Variants in UBQLN4 observed in about 807,000 individuals in gnomAD.
The protein encoded by UBQLN4 is ubiquilin 4.
In UBQLN4, 11 loss-of-function variants were observed where a neutral mutation model predicts 60.4. That is an observed-to-expected ratio of 0.18 (90% CI 0.11 to 0.30). The LOEUF (loss-of-function observed/expected upper bound fraction) is 0.30. Ranked by LOEUF, UBQLN4 falls within the 10% of genes least tolerant of loss-of-function variation. UBQLN4 has a pLI of 1.00. For missense variants in UBQLN4, 417 were observed against 795.5 expected (o/e 0.52, Z 5.72); for synonymous variants, 258 against 313.1 (o/e 0.82, Z 1.86).
chr1:156,036,119 C>T lies in UBQLN4; in HGVS notation c.*859G>A. 1 of 985,598 alleles carries T rather than the reference C, an allele frequency of 1.0e-6. No individual in the cohort carries two copies. The highest frequency in any genetic ancestry group is 1.2e-6 in the Non-Finnish European group (1 of 829,964). The allele number at this position is 985,598 out of a possible 1,614,324, so 61.1% of individuals were successfully genotyped here. ...CGTGGCGCTTAGCTTCATTGGGCTC[C>T]TTTTTTCAGTTTAAATTCCATTAGC... On this transcript the variant is annotated 3_prime_UTR_variant, in exon 11 of 11. Transcript: ENST00000368309.
At position 156,041,922 on chromosome 1, in the gene UBQLN4, G is replaced by T; in HGVS notation, c.1416C>A (p.Ile472=). The T allele has an allele frequency of 1.9e-6, 3 of 1,614,096 alleles. No individual in the cohort carries two copies. Residue 472 remains isoleucine (I), a synonymous_variant, in exon 9 of 11, where the codon ATC becomes ATA. Coordinates refer to ENST00000368309, the MANE Select transcript of UBQLN4 (RefSeq NM_020131.5). Reference sequence around the variant, plus strand: ...TCTGCAAGGTCTGTAGTCCCTGCTGGATCTGCAGCAATGCCTGCATGGCTC... The same window carrying T: ...TCTGCAAGGTCTGTAGTCCCTGCTGTATCTGCAGCAATGCCTGCATGGCTC... ...NPRAMQALLQ[I]QQGLQTLQTE...
chr1:156,034,825 C>CTATATATATATATTATATATA (rs1553255404), downstream of UBQLN4, among the ~76,000 whole-genome samples: 1 of 46,378 alleles, frequency 2.2e-5, no homozygotes, highest in African/African-American at 8.7e-5. Context: ...CCTTAACCTT[C>CTATATATATATATTATATATA]TATATATATA....
chr1:156,047,433 T>C (rs1032314032), intron 5 of UBQLN4, among the ~76,000 whole-genome samples: 2 of 151,048 alleles, frequency 1.3e-5, no homozygotes, highest in Non-Finnish European at 3.0e-5. Context: ...TTAGTAGAGA[T>C]GGGGTTTCAC....
intron 5 of UBQLN4, among the ~76,000 whole-genome samples, chr1:156,046,403 C>CT (rs1683702012): frequency 6.6e-6 from 1 of 151,204 alleles, no homozygotes; most frequent in South Asian, 2.1e-4. Flanking sequence ...GAGGCTGAGG[C>CT]AGGAGAATCA....
intron 7 of UBQLN4, chr1:156,042,536 G>T: frequency 1.8e-6 from 2 of 1,098,044 alleles, no homozygotes; most frequent in South Asian, 1.9e-5. Flanking sequence ...AGCACTTAAC[G>T]TGTATTAACT....
At position 156,040,207 on chromosome 1, in the gene UBQLN4, A is replaced by G. The variant is rs1683522350; in HGVS notation, c.1653+1278T>C. Among the ~76,000 whole-genome samples the G allele has an allele frequency of 2.0e-5, 3 of 151,640 alleles. No individual in the cohort carries two copies. The South Asian group carries it at 6.2e-4, about 31-fold the overall frequency. On this transcript the variant is annotated intron_variant, in intron 10 of 10. Transcript: ENST00000368309. The stretch of plus-strand genomic sequence containing the variant: ...TCAGGAGTTCGAGACCAGCCTGGAC[A>G]ACATGGTGAAACCCCATCTCTACTA...
chr1:156,051,938 C>T (rs1683882566), intron 1 of UBQLN4, 81 bp from the exon 2 acceptor site: 68 of 1,558,368 alleles, frequency 4.4e-5, no homozygotes, highest in South Asian at 5.7e-5. Flanking sequence ...TCAACACCTT[C>T]TGCACTCTCT....
At chr1:156,040,375 T>G (rs1188747533) in intron 10 of UBQLN4, among the ~76,000 whole-genome samples, 1 of 148,896 alleles carries the variant, frequency 6.7e-6, no homozygotes, top group African/African-American at 2.5e-5. Flanking sequence ...AGCAAAACTC[T>G]GTCTCAAAAA....
Position 156,050,911 on chromosome 1 carries a change from T to C in UBQLN4, c.478+199A>G, listed in dbSNP as rs1189374643. Among the ~76,000 whole-genome samples the C allele has an allele frequency of 6.6e-6, 1 of 151,456 alleles. No homozygotes were observed. The highest frequency in any genetic ancestry group is 1.5e-5 in the Non-Finnish European group (1 of 67,972). Reference sequence around the variant, plus strand: ...CATTTCTCCCCTCACTCCTAACCCTTAGCCATGGTCCCCACCTCTGAGAAC... The same window carrying C: ...CATTTCTCCCCTCACTCCTAACCCTCAGCCATGGTCCCCACCTCTGAGAAC... On this transcript the variant is annotated intron_variant, in intron 3 of 10. Coordinates refer to ENST00000368309, the MANE Select transcript of UBQLN4 (RefSeq NM_020131.5). This position sits in a 1 kb window ranked among gnomAD's most constrained non-coding sequence, Gnocchi z 4.6.
In UBQLN4 at chr1:156,048,220, C is replaced by T. The variant is rs1379458181; in HGVS notation, c.900+281G>A. 6.6e-6 allele frequency among the ~76,000 whole-genome samples: 1 copy of T among 152,120 alleles called. No individual in the cohort carries two copies. The highest frequency in any genetic ancestry group is 1.5e-5 in the Non-Finnish European group (1 of 68,022). On this transcript the variant is annotated intron_variant, in intron 5 of 10. Coordinates refer to ENST00000368309, the MANE Select transcript of UBQLN4 (RefSeq NM_020131.5). The surrounding 1 kb of genome is among the most constrained non-coding windows in gnomAD (Gnocchi z 4.9). ...TCAGGGCTGGCGTCTGACCTCAGGCCTGCCACGTGACCTTTGAGCCCCTGG... is the reference window on the plus strand; with the variant it reads ...TCAGGGCTGGCGTCTGACCTCAGGCTTGCCACGTGACCTTTGAGCCCCTGG...
chr1:156,041,928 C>T lies in UBQLN4; in HGVS notation c.1410G>A (p.Leu470=), dbSNP rs1683577962. The part of the protein sequence containing the change: ...LTNPRAMQAL[L]QIQQGLQTLQ... ...AGGTCTGTAGTCCCTGCTGGATCTG[C>T]AGCAATGCCTGCATGGCTCGGGGAT... The change falls in exon 9 of 11, where the codon CTG becomes CTA. Residue 470 remains leucine (L), a synonymous_variant. Coordinates refer to ENST00000368309, the MANE Select transcript of UBQLN4 (RefSeq NM_020131.5). 6 of 1,614,074 alleles carry T rather than the reference C, an allele frequency of 3.7e-6. No homozygotes were observed. The highest frequency in any genetic ancestry group is 5.1e-6 in the Non-Finnish European group (6 of 1,180,010).
intron 2 of UBQLN4, 140 bp from the exon 3 acceptor site, chr1:156,051,467 T>C: frequency 2.5e-6 from 3 of 1,200,458 alleles, no homozygotes; most frequent in Admixed American, 2.0e-5. Context: ...AGTGGGGTGA[T>C]GGCGGGAGGG....
chr1:156,036,086 T>C lies in UBQLN4; in HGVS notation c.*892A>G. 1 of 985,580 alleles carries C rather than the reference T, an allele frequency of 1.0e-6. No individual in the cohort carries two copies. The highest frequency in any genetic ancestry group is 1.2e-6 in the Non-Finnish European group (1 of 829,940). The allele number at this position is 985,580 out of a possible 1,614,324, so 61.1% of individuals were successfully genotyped here. On this transcript the variant is annotated 3_prime_UTR_variant, in exon 11 of 11. Transcript: ENST00000368309. The stretch of plus-strand genomic sequence containing the variant: ...GAGGAACTAAAGCCAATATGACCCC[T>C]TGTGGGGCGTGGCGCTTAGCTTCAT...
At chr1:156,046,787 A>G (rs1683715434) in intron 5 of UBQLN4, among the ~76,000 whole-genome samples, 1 of 152,116 alleles carries the variant, frequency 6.6e-6, no homozygotes, top group Admixed American at 6.6e-5. Context: ...GGTTGCAGTG[A>G]GCTGAGATCG....
intron 1 of UBQLN4, among the ~76,000 whole-genome samples, chr1:156,052,616 G>A (rs1235700665): frequency 6.6e-6 from 1 of 152,098 alleles, no homozygotes; most frequent in African/African-American, 2.4e-5. Context: ...GAGCCACCAC[G>A]CCCAGCCGTA....
At chr1:156,049,872 C>A (rs968777095) in intron 4 of UBQLN4, among the ~76,000 whole-genome samples, 5 of 152,240 alleles carry the variant, frequency 3.3e-5, no homozygotes, top group African/African-American at 1.2e-4. Context: ...CCCCAAACAA[C>A]CTACTATCTT....
chr1:156,035,280 A>C (rs1283510608), downstream of UBQLN4: 2 of 985,342 alleles, frequency 2.0e-6, no homozygotes, highest in African/African-American at 1.7e-5. Flanking sequence ...CTTCCTCAAA[A>C]AAACAAACGC....
At chr1:156,051,601 C>T in intron 2 of UBQLN4, 105 bp downstream of exon 2, 1 of 1,513,108 alleles carries the variant, frequency 6.6e-7, no homozygotes, top group Non-Finnish European at 9.0e-7. Context: ...AGCTACCTGC[C>T]TGGGCCTCAG....
intron 5 of UBQLN4, among the ~76,000 whole-genome samples, chr1:156,046,292 A>G (rs1304488487): frequency 6.9e-6 from 1 of 144,054 alleles, no homozygotes; most frequent in Admixed American, 7.0e-5. Flanking sequence ...GTTCGAGACC[A>G]GCCTGGCCAA....
Sources: gnomAD v4.1 joint callset for allele counts (sites outside exome capture counted in the v4.1 genomes callset) on GRCh38, gnomAD v4.1.1 for gene constraint, Gnocchi (gnomAD v3.1) non-coding constraint, MANE v1.5 for transcripts, NCBI Gene and HGNC (gene_info 2026-07-23, HGNC 2026-07-21) for gene names.